The following RBFOX3 variants were observed in gnomAD, a reference collection of about 807,000 sequenced individuals.
RBFOX3 encodes RNA binding protein fox-1 homolog 3.
Under a neutral mutation model 48.7 loss-of-function variants are expected in RBFOX3, and 17 were observed. The ratio of observed to expected loss-of-function variants is 0.35; its 90% CI spans 0.24 to 0.52. RBFOX3 has a LOEUF of 0.52. RBFOX3 is among the 20% of genes least tolerant of loss of function. The probability of loss-of-function intolerance (pLI) is 0.94; values close to 1 mark genes in which losing one functional copy is unlikely to be tolerated. For missense variants in RBFOX3, 382 were observed against 497.5 expected (o/e 0.77, Z 2.21); for synonymous variants, 212 against 209.5 (o/e 1.01, Z -0.10).
intron 4 of RBFOX3, among the ~76,000 whole-genome samples, chr17:79,140,507 A>G (rs562770702): frequency 6.6e-6 from 1 of 152,240 alleles, no homozygotes; most frequent in Admixed American, 6.5e-5. Context: ...CGGCACCCAC[A>G]TTAGCTGTAA....
At chr17:79,222,072 C>T (rs1337698884) in intron 4 of RBFOX3, among the ~76,000 whole-genome samples, 2 of 152,178 alleles carry the variant, frequency 1.3e-5, no homozygotes, top group Non-Finnish European at 1.5e-5. Context: ...TGCCTGATTT[C>T]TACCCGTTGC....
In RBFOX3 at chr17:79,107,838, G is replaced by A. The variant is rs540866935; in HGVS notation, c.223-1050C>T. On this transcript the variant is annotated intron_variant, in intron 5 of 14. Coordinates refer to ENST00000693108, the MANE Select transcript of RBFOX3 (RefSeq NM_001350451.2). ...CTGGCAAGGCGGGTGGGTGGCACAG[G>A]AGCACCAGGGTACAGGAGAGTCCCT... is the stretch of plus-strand genomic sequence containing the variant. 8.6e-4 allele frequency among the ~76,000 whole-genome samples: 131 copies of A among 152,290 alleles called. 1 individual carries two copies. Among genetic ancestry groups the A allele is most frequent in the African/African-American group, 3.1e-3 (129 of 41,568 alleles).
chr17:79,100,761 G>A (rs2076282324), intron 9 of RBFOX3, among the ~76,000 whole-genome samples: 1 of 152,204 alleles, frequency 6.6e-6, no homozygotes, highest in Non-Finnish European at 1.5e-5. Flanking sequence ...CTCAAAGCAG[G>A]CCCCTTGCCG....
rs986220034 is a variant in RBFOX3 at position 79,574,444 on chromosome 17, G to A, written c.-320+36382C>T. 4.5e-3 allele frequency among the ~76,000 whole-genome samples: 685 copies of A among 152,204 alleles called. 4 individuals are homozygous for A. The highest frequency in any genetic ancestry group is 0.016 in the African/African-American group (644 of 41,532). ...CAGTCATCCTCACTGCTCACTGTGC[G>A]GTAATTATAATGGATTAGCTGCTAA... On this transcript the variant is annotated intron_variant, in intron 1 of 14. Transcript: ENST00000693108.
intron 2 of RBFOX3, among the ~76,000 whole-genome samples, chr17:79,323,265 T>A (rs77284867): frequency 0.074 from 11,289 of 152,220 alleles, 440 homozygotes; most frequent in Middle Eastern, 0.1. Flanking sequence ...AGAAAAACAT[T>A]GAGCTAGGGC....
At chr17:79,485,360 A>G (rs1470629728) in intron 1 of RBFOX3, among the ~76,000 whole-genome samples, 1 of 152,050 alleles carries the variant, frequency 6.6e-6, no homozygotes, top group Non-Finnish European at 1.5e-5. Flanking sequence ...GGGCCAGGGA[A>G]CATAAACCCT....
intron 1 of RBFOX3, among the ~76,000 whole-genome samples, chr17:79,522,833 G>A (rs1442395340): frequency 2.0e-5 from 3 of 151,328 alleles, no homozygotes; most frequent in Admixed American, 6.6e-5. Context: ...GGGAGGCTGA[G>A]GCAGGAGAAT....
chr17:79,187,457 C>T (rs908999066), intron 4 of RBFOX3, among the ~76,000 whole-genome samples: 5 of 152,330 alleles, frequency 3.3e-5, no homozygotes, highest in Admixed American at 2.0e-4. Flanking sequence ...GAGCCTTCAT[C>T]GACAAATACA....
intron 1 of RBFOX3, among the ~76,000 whole-genome samples, chr17:79,494,646 C>T (rs959377727): frequency 6.6e-6 from 1 of 152,178 alleles, no homozygotes; most frequent in Non-Finnish European, 1.5e-5. Context: ...GAGCGGGAGG[C>T]GTGGAGCAGA....
intron 4 of RBFOX3, among the ~76,000 whole-genome samples, chr17:79,123,598 C>T (rs997396723): frequency 1.3e-5 from 2 of 152,124 alleles, no homozygotes; most frequent in Non-Finnish European, 2.9e-5. Context: ...TGGATCAATG[C>T]CCAGATGAAG....
At chr17:79,283,273 T>C (rs1164095838) in intron 3 of RBFOX3, among the ~76,000 whole-genome samples, 1 of 149,094 alleles carries the variant, frequency 6.7e-6, no homozygotes, top group Non-Finnish European at 1.5e-5. Flanking sequence ...TTCTTTTTTT[T>C]TTTTTTTTTT....
At position 79,435,875 on chromosome 17, in the gene RBFOX3, C is replaced by T. The variant is rs112717041; in HGVS notation, c.-175+46579G>A. 3.7e-3 allele frequency among the ~76,000 whole-genome samples: 563 copies of T among 152,316 alleles called. 3 individuals are homozygous for T. Among genetic ancestry groups the T allele is most frequent in the African/African-American group, 0.013 (526 of 41,572 alleles). ...CTCCCACACTCCAGCTCTGTGTGCTCGGGGAATGCAAAGCAATCTTAACAT... is the reference window on the plus strand; with the variant it reads ...CTCCCACACTCCAGCTCTGTGTGCTTGGGGAATGCAAAGCAATCTTAACAT... On this transcript the variant is annotated intron_variant, in intron 2 of 14. Coordinates refer to ENST00000693108, the MANE Select transcript of RBFOX3 (RefSeq NM_001350451.2).
At chr17:79,179,696 T>C (rs1172295699) in intron 4 of RBFOX3, among the ~76,000 whole-genome samples, 2 of 151,908 alleles carry the variant, frequency 1.3e-5, no homozygotes, top group East Asian at 3.9e-4. Flanking sequence ...GAGCTTGGGG[T>C]TTTTTCCTCC....
intron 1 of RBFOX3, among the ~76,000 whole-genome samples, chr17:79,593,789 A>C (rs2145160325): frequency 6.6e-6 from 1 of 152,332 alleles, no homozygotes; most frequent in East Asian, 1.9e-4. Context: ...GGCCTCAGGC[A>C]GTCGGTCATC....
At chr17:79,218,059 G>A (rs2059278863) in intron 4 of RBFOX3, among the ~76,000 whole-genome samples, 1 of 152,186 alleles carries the variant, frequency 6.6e-6, no homozygotes, top group African/African-American at 2.4e-5. Context: ...GCTGGGGTCA[G>A]GTGGACGGTG....
intron 1 of RBFOX3, among the ~76,000 whole-genome samples, chr17:79,608,803 C>A (rs1488056378): frequency 6.6e-6 from 1 of 152,158 alleles, no homozygotes; most frequent in African/African-American, 2.4e-5. Context: ...CGCAGGAAGG[C>A]CTCCAGTCCT....
chr17:79,551,423 A>G (rs1440231410), intron 1 of RBFOX3, among the ~76,000 whole-genome samples: 1 of 151,658 alleles, frequency 6.6e-6, no homozygotes, highest in Non-Finnish European at 1.5e-5. Flanking sequence ...GGATGGGTGG[A>G]TAGATGGGTC....
At chr17:79,566,372 C>T (rs1319589882) in intron 1 of RBFOX3, among the ~76,000 whole-genome samples, 3 of 152,214 alleles carry the variant, frequency 2.0e-5, no homozygotes, top group African/African-American at 7.2e-5. Context: ...TCCTCAGTAG[C>T]TCCGTCCTTC....
At chr17:79,653,293 C>T in the RBFOX3 span, among the ~76,000 whole-genome samples, 1 of 152,128 alleles carries the variant, frequency 6.6e-6, no homozygotes, top group South Asian at 2.1e-4. Context: ...TGCCAGGGCA[C>T]AGGTCTGAGG....
Sources: gnomAD v4.1 joint callset for allele counts (sites outside exome capture counted in the v4.1 genomes callset) on GRCh38, gnomAD v4.1.1 for gene constraint, MANE v1.5 for transcripts, NCBI Gene and HGNC (gene_info 2026-07-23, HGNC 2026-07-21) for gene names.